P2RX3: variants seen among roughly 807,000 people sequenced by gnomAD.
P2RX3 encodes the protein purinergic receptor P2X 3.
In P2RX3, 41 loss-of-function variants were observed where a neutral mutation model predicts 51.5. That is an observed-to-expected ratio of 0.80 (90% CI 0.62 to 1.03). P2RX3 has a LOEUF of 1.03. Ranked by LOEUF, P2RX3 falls within the 50% of genes least tolerant of loss-of-function variation. The probability of loss-of-function intolerance (pLI) is 0.00; values close to 1 mark genes in which losing one functional copy is unlikely to be tolerated. For synonymous variants in P2RX3, 185 were observed against 191.6 expected (o/e 0.97, Z 0.29); for missense variants, 459 against 522.1 (o/e 0.88, Z 1.18).
chr11:57,340,608 T>C (rs1856320984), intron 1 of P2RX3: 1 of 152,270 alleles, frequency 6.6e-6, no homozygotes, highest in Admixed American at 6.5e-5. Context: ...GAGGACGGAA[T>C]GGTGGGCAAA....
At chr11:57,362,615 CA>C (rs994291257) in intron 8 of P2RX3, among the ~76,000 whole-genome samples, 2 of 152,200 alleles carry the variant, frequency 1.3e-5, no homozygotes, top group Admixed American at 6.5e-5. Context: ...CAACAGAAAT[CA>C]AGCAACAAAA....
intron 11 of P2RX3, 114 bp downstream of exon 11, chr11:57,369,552 C>A: frequency 1.0e-6 from 1 of 974,272 alleles, no homozygotes; most frequent in Non-Finnish European, 1.5e-6. Flanking sequence ...TTCACCAGGC[C>A]TCAATGAATA....
intron 8 of P2RX3, among the ~76,000 whole-genome samples, chr11:57,364,129 T>A (rs1233332916): frequency 6.6e-6 from 1 of 152,138 alleles, no homozygotes; most frequent in East Asian, 1.9e-4. Flanking sequence ...GATTTCCGGA[T>A]GACAGGCCCA....
upstream of P2RX3, among the ~76,000 whole-genome samples, chr11:57,336,481 A>G (rs947770746): frequency 1.3e-5 from 2 of 152,352 alleles, no homozygotes; most frequent in Non-Finnish European, 1.5e-5. Flanking sequence ...TGGTTGCGGA[A>G]GCCAGGTCTC....
Position 57,348,248 on chromosome 11 carries a change from TG to T in P2RX3, c.472del (p.Asp158ThrfsTer8). On this transcript the variant is annotated frameshift_variant, in exon 5 of 12. Transcript: ENST00000263314. LOFTEE classifies it high-confidence loss of function. The part of the protein sequence containing the change: ...CEIQGWCPTE[V>X]DTVETPIMME... ...ATCCAGGGCTGGTGCCCCACGGAGGTGGACACAGTGGAAACGTAAGGCTCCA... is the reference window on the plus strand; with the variant it reads ...ATCCAGGGCTGGTGCCCCACGGAGGTGACACAGTGGAAACGTAAGGCTCCA... The T allele has an allele frequency of 6.2e-7, 1 of 1,602,430 alleles. No homozygotes were observed. The highest frequency in any genetic ancestry group is 1.3e-5 in the African/African-American group (1 of 74,842).
chr11:57,366,841 C>A (rs1021828997), intron 8 of P2RX3, among the ~76,000 whole-genome samples: 3 of 152,008 alleles, frequency 2.0e-5, no homozygotes, highest in African/African-American at 7.3e-5. Flanking sequence ...ACAAACCCAC[C>A]AGTTCCCCTC....
intron 8 of P2RX3, among the ~76,000 whole-genome samples, chr11:57,353,842 C>CCA (rs1856586752): frequency 7.6e-6 from 1 of 131,384 alleles, no homozygotes; most frequent in Non-Finnish European, 1.6e-5. Flanking sequence ...GTCACTCCCC[C>CCA]CCCCCCGCCC....
At chr11:57,369,765 G>A in intron 11 of P2RX3, 119 bp from the exon 12 acceptor site, 1 of 738,924 alleles carries the variant, frequency 1.4e-6, no homozygotes, top group Middle Eastern at 2.4e-4. Context: ...TCACACAGAT[G>A]TCCTGGCTCC....
Position 57,347,400 on chromosome 11 carries a change from C to A in P2RX3, c.328-15C>A. 1.9e-6 allele frequency: 3 copies of A among 1,556,590 alleles called. No homozygotes were observed. The highest frequency in any genetic ancestry group is 1.7e-6 in the Non-Finnish European group (2 of 1,149,516). On this transcript the variant is annotated splice_polypyrimidine_tract_variant and intron_variant, in intron 3 of 11. Coordinates refer to ENST00000263314, the MANE Select transcript of P2RX3 (RefSeq NM_002559.5). ...GACAGTGTCCTTCACCAACCTGTGA[C>A]CCGTCTGCCCACAGAGTGAGGAGAA... is the stretch of plus-strand genomic sequence containing the variant.
rs1376649694 is a variant in P2RX3 at position 57,367,151 on chromosome 11, T to C, written c.843-858T>C. On this transcript the variant is annotated intron_variant, in intron 8 of 11. Transcript: ENST00000263314. Reference sequence around the variant, plus strand: ...GTATTCCAGGCACTGTCTACACCCCTGACGTGTGTGGTTTCACTCAATGCT... The same window carrying C: ...GTATTCCAGGCACTGTCTACACCCCCGACGTGTGTGGTTTCACTCAATGCT... Among the ~76,000 whole-genome samples the C allele has an allele frequency of 4.6e-5, 7 of 152,256 alleles. No homozygotes were observed. In the East Asian group the frequency reaches 1.2e-3, roughly 25 times the overall value.
chr11:57,350,684 T>A, intron 7 of P2RX3, 78 bp from the exon 8 acceptor site: 1 of 1,563,470 alleles, frequency 6.4e-7, no homozygotes, highest in Non-Finnish European at 8.7e-7. Flanking sequence ...TGTCACCACC[T>A]CCACCCCACC....
Position 57,368,029 on chromosome 11 carries a change from T to C in P2RX3, c.863T>C (p.Met288Thr). The change falls in exon 9 of 12, where the codon ATG (methionine) becomes ACG (threonine). Residue 288 changes from methionine (M) to threonine (T), a missense_variant. Physicochemically the swap from Met to Thr is moderately conservative, Grantham distance 81. Coordinates refer to ENST00000263314, the MANE Select transcript of P2RX3 (RefSeq NM_002559.5). ...TCCAGGTTTGCCAAGTACTACAAAA[T>C]GGAAAATGGCAGTGAGTACCGCACC... is the stretch of plus-strand genomic sequence containing the variant. ...YNFRFAKYYK[M>T]ENGSEYRTLL... 6.2e-6 allele frequency: 10 copies of C among 1,614,064 alleles called. No homozygotes were observed. Among genetic ancestry groups the C allele is most frequent in the Non-Finnish European group, 7.6e-6 (9 of 1,179,994 alleles).
At chr11:57,352,373 T>C (rs1395240934) in intron 8 of P2RX3, among the ~76,000 whole-genome samples, 2 of 152,214 alleles carry the variant, frequency 1.3e-5, no homozygotes, top group African/African-American at 4.8e-5. Flanking sequence ...TTAAAAATAC[T>C]GTGCGGCTCA....
intron 7 of P2RX3, chr11:57,350,315 T>TTTTTTA (rs1273464184): frequency 5.4e-6 from 1 of 185,414 alleles, no homozygotes. Context: ...TTTTTTTTTT[T>TTTTTTA]TTGAGACAGA....
In P2RX3 at chr11:57,338,566, G is replaced by A. The variant is rs772760318; in HGVS notation, c.16G>A (p.Asp6Asn). 5.0e-6 allele frequency: 8 copies of A among 1,586,986 alleles called. No homozygotes were observed. Among genetic ancestry groups the A allele is most frequent in the Non-Finnish European group, 6.9e-6 (8 of 1,158,234 alleles). ...CTCTCTCAGCATGAACTGCATATCCGACTTCTTCACCTATGAGACCACCAA... is the reference window on the plus strand; with the variant it reads ...CTCTCTCAGCATGAACTGCATATCCAACTTCTTCACCTATGAGACCACCAA... MNCIS[D>N]FFTYETTKSV... is the part of the protein sequence containing the mutation. The change falls in exon 1 of 12, where the codon GAC (aspartate) becomes AAC (asparagine). Residue 6 changes from aspartate (D) to asparagine (N), a missense_variant. Transcript: ENST00000263314.
rs1856533655 is a variant in P2RX3, at chr11:57,350,796, G to A, written c.740G>A (p.Cys247Tyr). The change falls in exon 8 of 12, where the codon TGC becomes TAC. Residue 247 changes from cysteine (C) to tyrosine (Y), a missense_variant. Transcript: ENST00000263314. The stretch of plus-strand genomic sequence containing the variant: ...CTGGGCATTAAGATCGGCTGGGTGT[G>A]CGACTTGGACAAGGCCTGGGACCAG... ...GVLGIKIGWV[C>Y]DLDKAWDQCI... is the part of the protein sequence containing the mutation. 1.2e-6 allele frequency: 2 copies of A among 1,613,802 alleles called. No homozygotes were observed. Among genetic ancestry groups the A allele is most frequent in the Non-Finnish European group, 8.5e-7 (1 of 1,179,998 alleles).
At chr11:57,354,951 C>T (rs943223766) in intron 8 of P2RX3, among the ~76,000 whole-genome samples, 1 of 152,146 alleles carries the variant, frequency 6.6e-6, no homozygotes, top group Admixed American at 6.5e-5. Flanking sequence ...CTGGTTACCA[C>T]CCAGGTCTGA....
intron 1 of P2RX3, among the ~76,000 whole-genome samples, chr11:57,341,133 GAC>G (rs1394956062): frequency 1.3e-5 from 2 of 152,116 alleles, no homozygotes; most frequent in Non-Finnish European, 2.9e-5. Flanking sequence ...GAGAGAGAGA[GAC>G]AGACACGATG....
chr11:57,358,710 T>C (rs1158684792), intron 8 of P2RX3, among the ~76,000 whole-genome samples: 1 of 152,158 alleles, frequency 6.6e-6, no homozygotes, highest in Non-Finnish European at 1.5e-5. Flanking sequence ...GCTGTGGAAA[T>C]TTGGGCTGCT....
Sources: gnomAD v4.1 joint callset for allele counts (sites outside exome capture counted in the v4.1 genomes callset) on GRCh38, gnomAD v4.1.1 for gene constraint, MANE v1.5 for transcripts, NCBI Gene and HGNC (gene_info 2026-07-23, HGNC 2026-07-21) for gene names.